Variants in DCC observed in about 807,000 individuals in gnomAD.
DCC encodes the protein netrin receptor DCC.
DCC carries 58 observed loss-of-function variants against 172.5 expected under a neutral mutation model. The observed-to-expected ratio is 0.34, with a 90% confidence interval of 0.27 to 0.42. The LOEUF is 0.42. Ranked by LOEUF, DCC falls within the 10% of genes least tolerant of loss-of-function variation. The pLI, the probability that DCC is intolerant of heterozygous loss-of-function variation, is 1.00. For missense variants in DCC, 1,740 were observed against 1,791.0 expected (o/e 0.97, Z 0.51); for synonymous variants, 709 against 644.5 (o/e 1.10, Z -1.52).
chr18:52,759,631 A>G (rs1478121174), intron 2 of DCC, among the ~76,000 whole-genome samples: 3 of 152,208 alleles, frequency 2.0e-5, no homozygotes, highest in African/African-American at 7.2e-5. Context: ...ACTCTTTTGA[A>G]TTTTAGAAAA....
intron 1 of DCC, among the ~76,000 whole-genome samples, chr18:52,677,640 TCTC>T (rs963734572): frequency 1.3e-5 from 2 of 152,126 alleles, no homozygotes; most frequent in African/African-American, 4.8e-5. Context: ...ACTGGCAACT[TCTC>T]CTAAGACTTG....
At chr18:52,854,589 A>G (rs2039023243) in intron 2 of DCC, among the ~76,000 whole-genome samples, 1 of 152,212 alleles carries the variant, frequency 6.6e-6, no homozygotes, top group Non-Finnish European at 1.5e-5. Flanking sequence ...CTTCATCTAA[A>G]ATAGTTGATT....
At chr18:53,010,695 ATATT>A (rs2041716399) in intron 5 of DCC, among the ~76,000 whole-genome samples, 1 of 150,856 alleles carries the variant, frequency 6.6e-6, no homozygotes, top group Admixed American at 6.6e-5. Context: ...CATACATAAT[ATATT>A]TATATACCCA....
intron 5 of DCC, among the ~76,000 whole-genome samples, chr18:52,951,352 G>T (rs1314606759): frequency 6.6e-6 from 1 of 152,044 alleles, no homozygotes; most frequent in Non-Finnish European, 1.5e-5. Flanking sequence ...TGCCACGGTG[G>T]TTTGCTGCAC....
At chr18:53,200,814 G>A (rs527746089) in intron 9 of DCC, among the ~76,000 whole-genome samples, 1 of 152,182 alleles carries the variant, frequency 6.6e-6, no homozygotes, top group Admixed American at 6.5e-5. Context: ...CCCCTACATT[G>A]CTAAGTAGCT....
chr18:52,390,361 C>T (rs1225969393), intron 1 of DCC, among the ~76,000 whole-genome samples: 1 of 152,072 alleles, frequency 6.6e-6, no homozygotes, highest in Non-Finnish European at 1.5e-5. Context: ...CTGGTGAGCA[C>T]ACCAGGATGG....
chr18:53,406,474 G>A (rs62100029), intron 19 of DCC, among the ~76,000 whole-genome samples: 63,929 of 151,196 alleles, frequency 0.42, 15,286 homozygotes, highest in Non-Finnish European at 0.55. Flanking sequence ...AGAGACCAAG[G>A]TGGGAGGATC....
At chr18:52,947,983 A>G (rs1196215822) in intron 5 of DCC, among the ~76,000 whole-genome samples, 1 of 152,188 alleles carries the variant, frequency 6.6e-6, no homozygotes, top group East Asian at 1.9e-4. Flanking sequence ...AAAGGTAGAA[A>G]GGCATCTAAC....
rs1221189374 is a variant in DCC at position 53,429,040 on chromosome 18, TTATA to T, written c.3164-6099_3164-6096del. ...ATATATTTTTTATATAATATATATT[TTATA>T]TATAATATATTATATATTTTATATA... On this transcript the variant is annotated intron_variant, in intron 21 of 28. Coordinates refer to ENST00000442544, the MANE Select transcript of DCC (RefSeq NM_005215.4). 7.3e-5 allele frequency among the ~76,000 whole-genome samples: 3 copies of T among 41,012 alleles called. No homozygotes were observed. The East Asian group carries it at 2.0e-3, about 27-fold the overall frequency. 26.9% of individuals were successfully genotyped at this position (41,012 alleles called of 152,430 possible).
At chr18:53,389,507 G>A (rs1908406253) in intron 16 of DCC, among the ~76,000 whole-genome samples, 1 of 152,150 alleles carries the variant, frequency 6.6e-6, no homozygotes, top group Admixed American at 6.6e-5. Context: ...TACACAGGAA[G>A]TGAATTTTTT....
intron 12 of DCC, among the ~76,000 whole-genome samples, chr18:53,295,898 T>G (rs1459852986): frequency 6.6e-6 from 1 of 152,200 alleles, no homozygotes; most frequent in East Asian, 1.9e-4. Flanking sequence ...CTGTCAAGTC[T>G]ACCTCCAAAA....
chr18:52,594,381 C>G (rs1219215834), intron 1 of DCC, among the ~76,000 whole-genome samples: 1 of 152,162 alleles, frequency 6.6e-6, no homozygotes, highest in East Asian at 1.9e-4. Context: ...GAGTCCTCCT[C>G]TTAGTTTTGG....
intron 14 of DCC, among the ~76,000 whole-genome samples, chr18:53,332,024 T>C (rs1225539597): frequency 1.3e-5 from 2 of 152,188 alleles, no homozygotes; most frequent in Admixed American, 6.6e-5. Context: ...GCATCTACGT[T>C]TCTTTTCACT....
intron 27 of DCC, among the ~76,000 whole-genome samples, chr18:53,507,263 A>G (rs1411060549): frequency 6.6e-6 from 1 of 152,236 alleles, no homozygotes; most frequent in Non-Finnish European, 1.5e-5. Flanking sequence ...AAGTGCTCAC[A>G]TAAACCTCTG....
At chr18:52,939,895 T>C (rs991165965) in intron 5 of DCC, among the ~76,000 whole-genome samples, 4 of 152,194 alleles carry the variant, frequency 2.6e-5, no homozygotes, top group African/African-American at 4.8e-5. Context: ...GGGATTCTTC[T>C]GTCAAACAAA....
intron 2 of DCC, among the ~76,000 whole-genome samples, chr18:52,894,078 A>G (rs115821075): frequency 0.017 from 2,611 of 152,166 alleles, 55 homozygotes; most frequent in African/African-American, 0.046. Flanking sequence ...GTCCTTTTGT[A>G]TCTTGGGCAT....
At chr18:52,914,986 G>C in intron 3 of DCC, among the ~76,000 whole-genome samples, 1 of 152,066 alleles carries the variant, frequency 6.6e-6, no homozygotes, top group Non-Finnish European at 1.5e-5. Flanking sequence ...AAACCGAGGA[G>C]TACACAATGA....
chr18:53,013,488 G>T (rs2041761059), intron 5 of DCC, among the ~76,000 whole-genome samples: 1 of 151,804 alleles, frequency 6.6e-6, no homozygotes, highest in Non-Finnish European at 1.5e-5. Context: ...ACTAGGAATT[G>T]AACAATGAGA....
intron 1 of DCC, among the ~76,000 whole-genome samples, chr18:52,716,598 A>G (rs1366624543): frequency 6.6e-6 from 1 of 152,192 alleles, no homozygotes; most frequent in Non-Finnish European, 1.5e-5. Flanking sequence ...ACACCATACA[A>G]TTACCCATGT....
Sources: gnomAD v4.1 joint callset for allele counts (sites outside exome capture counted in the v4.1 genomes callset) on GRCh38, gnomAD v4.1.1 for gene constraint, MANE v1.5 for transcripts, NCBI Gene and HGNC (gene_info 2026-07-23, HGNC 2026-07-21) for gene names.